The following CFAP299 variants were observed in gnomAD, a reference collection of about 807,000 sequenced individuals.
CFAP299 encodes cilia and flagella associated protein 299.
Under a neutral mutation model 27.0 loss-of-function variants are expected in CFAP299, and 21 were observed. That is an observed-to-expected ratio of 0.78 (90% CI 0.55 to 1.12). The LOEUF (loss-of-function observed/expected upper bound fraction) is 1.12, where lower values mean the gene tolerates loss of function less well. CFAP299 is among the 50% of genes most tolerant of loss of function. CFAP299 has a pLI of 0.00. For synonymous variants in CFAP299, 104 were observed against 98.1 expected (o/e 1.06, Z -0.36); for missense variants, 310 against 276.6 (o/e 1.12, Z -0.86).
intron 3 of CFAP299, among the ~76,000 whole-genome samples, chr4:80,598,853 C>A (rs527348288): frequency 6.6e-6 from 1 of 152,264 alleles, no homozygotes; most frequent in African/African-American, 2.4e-5. Flanking sequence ...GAGAATACAC[C>A]TTTCTCTGAA....
chr4:80,401,983 A>G lies in CFAP299; in HGVS notation c.242+39099A>G, dbSNP rs536427579. Among the ~76,000 whole-genome samples, 35 of 152,128 alleles carry G rather than the reference A, an allele frequency of 2.3e-4. 1 individual carries two copies. The highest frequency in any genetic ancestry group is 2.1e-4 in the South Asian group (1 of 4,816). The stretch of plus-strand genomic sequence containing the variant: ...TGGACCTTTAAAATTTGACTGCCCC[A>G]CTGGATTTTGGATTTGCACGGGCCC... On this transcript the variant is annotated intron_variant, in intron 2 of 5. Coordinates refer to ENST00000358105, the MANE Select transcript of CFAP299 (RefSeq NM_152770.3).
chr4:80,876,155 A>C (rs1370362838), intron 4 of CFAP299, among the ~76,000 whole-genome samples: 1 of 148,472 alleles, frequency 6.7e-6, no homozygotes, highest in Non-Finnish European at 1.5e-5. Context: ...TATTACATTT[A>C]TAAATATTAT....
chr4:80,355,138 C>A (rs1723202440), intron 1 of CFAP299, among the ~76,000 whole-genome samples: 1 of 152,064 alleles, frequency 6.6e-6, no homozygotes, highest in Non-Finnish European at 1.5e-5. Context: ...ACACTCCCAC[C>A]AACAATGTAT....
intron 3 of CFAP299, among the ~76,000 whole-genome samples, chr4:80,703,692 C>G: frequency 6.6e-6 from 1 of 151,526 alleles, no homozygotes; most frequent in East Asian, 1.9e-4. Flanking sequence ...ATATACTATT[C>G]TACTTTTCCA....
intron 2 of CFAP299, among the ~76,000 whole-genome samples, chr4:80,435,467 T>C (rs924751282): frequency 6.6e-6 from 1 of 152,210 alleles, no homozygotes; most frequent in Non-Finnish European, 1.5e-5. Flanking sequence ...GGGAATTGTA[T>C]GGATAAAGAA....
rs556342521 is a variant in CFAP299, at chr4:80,677,745, T to C, written c.333+94562T>C. Among the ~76,000 whole-genome samples the C allele has an allele frequency of 2.6e-5, 4 of 152,236 alleles. No homozygotes were observed. In the East Asian group the frequency reaches 5.8e-4, roughly 22 times the overall value. ...AATTTTCCCACTTTTTTCACTGTTA[T>C]CTCACAATGTAATGCCTTGCTAGTG... On this transcript the variant is annotated intron_variant, in intron 3 of 5. Coordinates refer to ENST00000358105, the MANE Select transcript of CFAP299 (RefSeq NM_152770.3).
chr4:80,774,565 G>A (rs1416740030), intron 3 of CFAP299, among the ~76,000 whole-genome samples: 1 of 151,916 alleles, frequency 6.6e-6, no homozygotes, highest in Non-Finnish European at 1.5e-5. Context: ...GTCAATAAAT[G>A]TGTAAAAATG....
chr4:80,564,813 G>T (rs1233049846), intron 2 of CFAP299, among the ~76,000 whole-genome samples: 1 of 151,818 alleles, frequency 6.6e-6, no homozygotes, highest in Non-Finnish European at 1.5e-5. Context: ...CAGTGAAGTT[G>T]CAGTAAACAA....
At chr4:80,477,592 C>G (rs2110123397) in intron 2 of CFAP299, among the ~76,000 whole-genome samples, 1 of 152,274 alleles carries the variant, frequency 6.6e-6, no homozygotes, top group East Asian at 1.9e-4. Flanking sequence ...TGTAATCCTT[C>G]CACAATCTCA....
intron 2 of CFAP299, among the ~76,000 whole-genome samples, chr4:80,540,478 T>A (rs559269221): frequency 3.9e-4 from 60 of 152,272 alleles, no homozygotes; most frequent in African/African-American, 1.3e-3. Flanking sequence ...AGTAGGCAAA[T>A]TAGCTTGTAA....
intron 3 of CFAP299, among the ~76,000 whole-genome samples, chr4:80,598,346 C>T (rs1005064209): frequency 5.3e-5 from 8 of 152,168 alleles, no homozygotes; most frequent in African/African-American, 1.9e-4. Flanking sequence ...AATGTACCTA[C>T]AATTGTATTG....
intron 2 of CFAP299, among the ~76,000 whole-genome samples, chr4:80,444,705 T>C (rs536934474): frequency 6.6e-6 from 1 of 152,300 alleles, no homozygotes; most frequent in African/African-American, 2.4e-5. Context: ...AAAGAGCTTC[T>C]GCACAGCAAA....
At chr4:80,522,145 G>A (rs371260688) in intron 2 of CFAP299, among the ~76,000 whole-genome samples, 9 of 151,306 alleles carry the variant, frequency 5.9e-5, no homozygotes, top group African/African-American at 2.2e-4. Flanking sequence ...TTTCTGTTTT[G>A]GTTTTTATTT....
chr4:80,473,443 G>C (rs1216908932), intron 2 of CFAP299, among the ~76,000 whole-genome samples: 3 of 151,184 alleles, frequency 2.0e-5, no homozygotes, highest in African/African-American at 7.3e-5. Context: ...ATGGTCTCCT[G>C]CTTAAAAAAA....
At chr4:80,494,974 G>A (rs1405642033) in intron 2 of CFAP299, among the ~76,000 whole-genome samples, 1 of 152,184 alleles carries the variant, frequency 6.6e-6, no homozygotes, top group Non-Finnish European at 1.5e-5. Flanking sequence ...GAAGGGTCTT[G>A]AAGAGTCTTA....
chr4:80,516,734 G>A (rs181763585), intron 2 of CFAP299, among the ~76,000 whole-genome samples: 1 of 152,192 alleles, frequency 6.6e-6, no homozygotes. Context: ...CATGTCATAG[G>A]GAGATAGGAA....
intron 3 of CFAP299, among the ~76,000 whole-genome samples, chr4:80,706,954 G>A (rs1721857139): frequency 6.6e-6 from 1 of 151,904 alleles, no homozygotes; most frequent in African/African-American, 2.4e-5. Flanking sequence ...CCACAAAGTG[G>A]TTGATTCATG....
At chr4:80,570,248 GA>G (rs569894690) in intron 2 of CFAP299, among the ~76,000 whole-genome samples, 4 of 151,744 alleles carry the variant, frequency 2.6e-5, no homozygotes, top group Admixed American at 6.6e-5. Flanking sequence ...ATTTAAAGTG[GA>G]AAAAAGTCTA....
intron 2 of CFAP299, among the ~76,000 whole-genome samples, chr4:80,575,054 ATG>A (rs1035479842): frequency 2.0e-5 from 3 of 152,098 alleles, no homozygotes; most frequent in Admixed American, 1.3e-4. Context: ...TGTTCTTTAA[ATG>A]TGTGGTAAAA....
Sources: gnomAD v4.1 joint callset for allele counts (sites outside exome capture counted in the v4.1 genomes callset) on GRCh38, gnomAD v4.1.1 for gene constraint, MANE v1.5 for transcripts, NCBI Gene and HGNC (gene_info 2026-07-23, HGNC 2026-07-21) for gene names.